The following NEDD4L variants were observed in gnomAD, a reference collection of about 807,000 sequenced individuals.
NEDD4L encodes the protein E3 ubiquitin-protein ligase NEDD4-like.
In NEDD4L, 54 loss-of-function variants were observed where a neutral mutation model predicts 148.9. That is an observed-to-expected ratio of 0.36 (90% confidence interval 0.29 to 0.45). The LOEUF (loss-of-function observed/expected upper bound fraction) is 0.45, where lower values mean the gene tolerates loss of function less well. Ranked by LOEUF, NEDD4L falls within the 20% of genes least tolerant of loss-of-function variation. The pLI is 1.00. For missense variants in NEDD4L, 856 were observed against 1,233.8 expected (o/e 0.69, Z 4.59); for synonymous variants, 433 against 440.7 (o/e 0.98, Z 0.22).
chr18:58,283,872 T>C (rs62096367), intron 5 of NEDD4L, among the ~76,000 whole-genome samples: 23,884 of 152,242 alleles, frequency 0.16, 2,152 homozygotes, highest in Non-Finnish European at 0.18. Context: ...GCCATGAATG[T>C]GGACCCTAAT....
rs566331508 is a variant in NEDD4L at position 58,267,331 on chromosome 18, T to C, written c.297+15277T>C. On this transcript the variant is annotated intron_variant, in intron 5 of 30. Coordinates refer to ENST00000400345, the MANE Select transcript of NEDD4L (RefSeq NM_001144967.3). ...TTTCATATTTTAAGATCATGTACTC[T>C]AAAACCCTATTATACTTGAAATGAA... is the stretch of plus-strand genomic sequence containing the variant. 3.3e-5 allele frequency among the ~76,000 whole-genome samples: 5 copies of C among 152,212 alleles called. No individual in the cohort carries two copies. The East Asian group carries it at 9.6e-4, about 29-fold the overall frequency.
intron 5 of NEDD4L, among the ~76,000 whole-genome samples, chr18:58,293,558 A>G (rs983319019): frequency 6.6e-6 from 1 of 152,230 alleles, no homozygotes; most frequent in Admixed American, 6.5e-5. Context: ...ACCATGCGCT[A>G]TGATCATGTA....
intron 16 of NEDD4L, 107 bp downstream of exon 16, chr18:58,343,210 A>G (rs1002165558): frequency 2.0e-5 from 22 of 1,109,336 alleles, no homozygotes; most frequent in Non-Finnish European, 2.7e-5. Context: ...GATTGACTGT[A>G]AAGGGTGTCT....
intron 5 of NEDD4L, among the ~76,000 whole-genome samples, chr18:58,299,940 G>A (rs1420817962): frequency 1.3e-5 from 2 of 152,180 alleles, no homozygotes; most frequent in African/African-American, 4.8e-5. Context: ...GATCAAGAAT[G>A]TGCCAATGTC....
intron 1 of NEDD4L, among the ~76,000 whole-genome samples, chr18:58,095,823 G>A (rs1021462130): frequency 6.6e-6 from 1 of 152,140 alleles, no homozygotes; most frequent in Non-Finnish European, 1.5e-5. Context: ...GAGCAAGCTT[G>A]TGCAACCACA....
chr18:58,373,562 A>G (rs1213178099), intron 24 of NEDD4L, among the ~76,000 whole-genome samples: 3 of 152,242 alleles, frequency 2.0e-5, no homozygotes, highest in African/African-American at 7.2e-5. Context: ...CCTCGGTTTT[A>G]GAATTTAGGT....
chr18:58,152,171 C>T (rs2034862515), intron 1 of NEDD4L, among the ~76,000 whole-genome samples: 1 of 152,176 alleles, frequency 6.6e-6, no homozygotes, highest in African/African-American at 2.4e-5. Flanking sequence ...TGTACTGTCG[C>T]AACCCTGAAG....
intron 1 of NEDD4L, chr18:58,090,972 G>A (rs986977351): frequency 6.6e-6 from 1 of 152,236 alleles, no homozygotes; most frequent in Non-Finnish European, 1.5e-5. Flanking sequence ...TATAGCTGAT[G>A]TTTGAGTATC....
intron 2 of NEDD4L, among the ~76,000 whole-genome samples, chr18:58,207,165 C>T (rs546543954): frequency 9.2e-5 from 14 of 152,242 alleles, no homozygotes; most frequent in East Asian, 3.9e-4. Flanking sequence ...AAGTTCCAGC[C>T]GGCGCCATTT....
At chr18:58,220,475 G>A (rs1231049897) in intron 2 of NEDD4L, among the ~76,000 whole-genome samples, 1 of 151,806 alleles carries the variant, frequency 6.6e-6, no homozygotes, top group Non-Finnish European at 1.5e-5. Context: ...GCTGAACCCT[G>A]GTGCCCACTT....
At chr18:58,266,630 C>T (rs921844112) in intron 5 of NEDD4L, among the ~76,000 whole-genome samples, 1 of 152,136 alleles carries the variant, frequency 6.6e-6, no homozygotes, top group Non-Finnish European at 1.5e-5. Context: ...ACAGAAATGT[C>T]CAGCTCCCAG....
chr18:58,080,743 CAA>C (rs1568186797), intron 1 of NEDD4L, among the ~76,000 whole-genome samples: 1 of 152,154 alleles, frequency 6.6e-6, no homozygotes, highest in Non-Finnish European at 1.5e-5. Flanking sequence ...AAGAAAAAGA[CAA>C]AAGAAAGCCA....
chr18:58,197,445 C>T (rs892245595), intron 2 of NEDD4L, among the ~76,000 whole-genome samples: 18 of 152,100 alleles, frequency 1.2e-4, no homozygotes, highest in African/African-American at 4.3e-4. Context: ...TGCTTCTGCT[C>T]CTTCCTTGCC....
chr18:58,113,603 A>T (rs2145701953), intron 1 of NEDD4L, among the ~76,000 whole-genome samples: 1 of 152,276 alleles, frequency 6.6e-6, no homozygotes, highest in South Asian at 2.1e-4. Flanking sequence ...TAACTGAAAT[A>T]AAGTCTGTAT....
chr18:58,384,876 T>G (rs1465107924), intron 25 of NEDD4L, among the ~76,000 whole-genome samples: 1 of 152,214 alleles, frequency 6.6e-6, no homozygotes, highest in Non-Finnish European at 1.5e-5. Flanking sequence ...CAGAGTACAT[T>G]TGCCTTGCGA....
In NEDD4L at chr18:58,225,497, A is replaced by G. The variant is rs1351816781; in HGVS notation, c.123-19930A>G. Among the ~76,000 whole-genome samples the G allele has an allele frequency of 3.9e-5, 6 of 152,310 alleles. No homozygotes were observed. The South Asian group carries it at 1.2e-3, about 32-fold the overall frequency. ...CTTTTTGTTATGCTTGCGCACATCT[A>G]TATTTGGCTTTGCTTCTTATTTTTT... On this transcript the variant is annotated intron_variant, in intron 2 of 30. Transcript: ENST00000400345.
intron 1 of NEDD4L, among the ~76,000 whole-genome samples, chr18:58,133,428 G>A (rs2032427634): frequency 6.6e-6 from 1 of 152,194 alleles, no homozygotes; most frequent in South Asian, 2.1e-4. Context: ...GAAGAACGTA[G>A]AGAAACTTGT....
chr18:58,205,487 G>GGT (rs201722990), intron 2 of NEDD4L, among the ~76,000 whole-genome samples: 306 of 151,228 alleles, frequency 2.0e-3, no homozygotes, highest in East Asian at 9.3e-3. Flanking sequence ...TGACTAGAGG[G>GGT]GTGTGTGTGT....
chr18:58,351,212 C>T, intron 18 of NEDD4L, 167 bp downstream of exon 18: 1 of 983,318 alleles, frequency 1.0e-6, no homozygotes, highest in Non-Finnish European at 1.2e-6. Context: ...ACTGTGCATT[C>T]ACCCCAAGTT....
Sources: gnomAD v4.1 joint callset for allele counts (sites outside exome capture counted in the v4.1 genomes callset) on GRCh38, gnomAD v4.1.1 for gene constraint, MANE v1.5 for transcripts, NCBI Gene and HGNC (gene_info 2026-07-23, HGNC 2026-07-21) for gene names.